Variants in WWOX observed in about 807,000 individuals in gnomAD.
WWOX encodes the protein WW domain-containing oxidoreductase.
In WWOX, 69 loss-of-function variants were observed where a neutral mutation model predicts 46.2. The observed-to-expected ratio is 1.49, with a 90% CI of 1.23 to 1.82. The LOEUF (loss-of-function observed/expected upper bound fraction) is 1.82, where lower values mean the gene tolerates loss of function less well. Ranked by LOEUF, WWOX falls within the 40% of genes most tolerant of loss-of-function variation. The pLI, the probability that WWOX is intolerant of heterozygous loss-of-function variation, is 0.00. For missense variants in WWOX, 919 were observed against 542.6 expected (o/e 1.69, Z -6.89); for synonymous variants, 359 against 202.6 (o/e 1.77, Z -6.56).
At chr16:78,976,716 C>T (rs186121229) in intron 8 of WWOX, among the ~76,000 whole-genome samples, 1 of 152,174 alleles carries the variant, frequency 6.6e-6, no homozygotes, top group African/African-American at 2.4e-5. Context: ...AGGAGCTCAC[C>T]AGATACTACT....
intron 8 of WWOX, among the ~76,000 whole-genome samples, chr16:78,964,758 C>G (rs2046334263): frequency 6.6e-6 from 1 of 152,198 alleles, no homozygotes; most frequent in Non-Finnish European, 1.5e-5. Flanking sequence ...TATCAGAGGC[C>G]TGAAGTCCCA....
At chr16:78,874,768 C>G (rs747179992) in intron 8 of WWOX, among the ~76,000 whole-genome samples, 10 of 128,840 alleles carry the variant, frequency 7.8e-5, no homozygotes, top group Middle Eastern at 6.2e-3. Context: ...CTCAACTGTT[C>G]CAAGCATAAC....
chr16:78,360,042 A>G (rs2081376870), intron 5 of WWOX, among the ~76,000 whole-genome samples: 1 of 152,202 alleles, frequency 6.6e-6, no homozygotes. Context: ...TTTTAAAAAC[A>G]AAACAAAAAG....
intron 8 of WWOX, among the ~76,000 whole-genome samples, chr16:78,446,267 A>C (rs1361959306): frequency 6.6e-6 from 1 of 152,176 alleles, no homozygotes; most frequent in Non-Finnish European, 1.5e-5. Flanking sequence ...CAAGTCTTAG[A>C]GAGGAAGTAT....
At chr16:79,090,730 C>A (rs1031103357) in intron 8 of WWOX, among the ~76,000 whole-genome samples, 1 of 152,170 alleles carries the variant, frequency 6.6e-6, no homozygotes, top group Non-Finnish European at 1.5e-5. Context: ...GGGGCCCAGG[C>A]ATGCCACCAA....
intron 8 of WWOX, among the ~76,000 whole-genome samples, chr16:78,901,410 CT>C: frequency 6.6e-6 from 1 of 152,088 alleles, no homozygotes; most frequent in East Asian, 1.9e-4. Flanking sequence ...TTTTCCTGTT[CT>C]TTTCCCTCTC....
intron 8 of WWOX, among the ~76,000 whole-genome samples, chr16:78,484,852 C>G (rs554014508): frequency 1.3e-5 from 2 of 152,120 alleles, no homozygotes; most frequent in African/African-American, 4.8e-5. Context: ...TGTGAAGTGC[C>G]ATTGCATTTG....
intron 8 of WWOX, among the ~76,000 whole-genome samples, chr16:78,633,455 G>A (rs1428727383): frequency 7.9e-5 from 12 of 152,068 alleles, no homozygotes; most frequent in South Asian, 6.2e-4. Flanking sequence ...ATTTTGTACC[G>A]TATGACTTTA....
chr16:78,689,511 G>A (rs547000048), intron 8 of WWOX, among the ~76,000 whole-genome samples: 4 of 152,268 alleles, frequency 2.6e-5, no homozygotes, highest in African/African-American at 9.6e-5. Context: ...CTCCTTGCTG[G>A]ATCTTCATAG....
At chr16:78,390,453 C>G (rs1301176065) in intron 6 of WWOX, among the ~76,000 whole-genome samples, 1 of 152,190 alleles carries the variant, frequency 6.6e-6, no homozygotes, top group African/African-American at 2.4e-5. Context: ...TTAGAAAGTA[C>G]TTCTAGGTTG....
intron 8 of WWOX, among the ~76,000 whole-genome samples, chr16:78,818,014 G>C (rs182114764): frequency 1.2e-4 from 19 of 152,310 alleles, no homozygotes; most frequent in Admixed American, 1.1e-3. Flanking sequence ...AGAGGGAGAA[G>C]CTGACTGAGA....
intron 8 of WWOX, among the ~76,000 whole-genome samples, chr16:79,182,373 C>A (rs941005680): frequency 1.4e-4 from 22 of 152,040 alleles, no homozygotes; most frequent in African/African-American, 5.3e-4. Flanking sequence ...AACATGTCAG[C>A]CCTTGGTCTC....
intron 8 of WWOX, among the ~76,000 whole-genome samples, chr16:78,779,537 G>T (rs1418925758): frequency 6.6e-6 from 1 of 152,144 alleles, no homozygotes; most frequent in Non-Finnish European, 1.5e-5. Flanking sequence ...TCTGTCCAAG[G>T]CATTGTGCTC....
intron 8 of WWOX, among the ~76,000 whole-genome samples, chr16:78,876,945 A>G (rs2044246055): frequency 6.6e-6 from 1 of 152,198 alleles, no homozygotes; most frequent in Non-Finnish European, 1.5e-5. Flanking sequence ...GGCATAAAGT[A>G]GGAAAATGTG....
chr16:79,087,779 G>T (rs889360527), intron 8 of WWOX, among the ~76,000 whole-genome samples: 3 of 152,144 alleles, frequency 2.0e-5, no homozygotes, highest in African/African-American at 7.2e-5. Context: ...AGTTTAGTAC[G>T]TTCTCTTGGT....
chr16:78,888,048 C>T (rs1364824397), intron 8 of WWOX, among the ~76,000 whole-genome samples: 3 of 152,192 alleles, frequency 2.0e-5, no homozygotes, highest in Non-Finnish European at 2.9e-5. Flanking sequence ...GTATGGCGAT[C>T]CTTCAAGCTG....
chr16:79,155,616 C>A (rs938467332), intron 8 of WWOX, among the ~76,000 whole-genome samples: 18 of 151,872 alleles, frequency 1.2e-4, no homozygotes, highest in African/African-American at 4.4e-4. Context: ...TCCAGCAGGG[C>A]TTTTACTCAA....
At chr16:78,916,396 C>A (rs1303488143) in intron 8 of WWOX, among the ~76,000 whole-genome samples, 2 of 152,080 alleles carry the variant, frequency 1.3e-5, no homozygotes, top group Non-Finnish European at 2.9e-5. Context: ...AAAAGTCAAA[C>A]ATGGGAAGAC....
intron 8 of WWOX, among the ~76,000 whole-genome samples, chr16:79,014,662 A>G (rs1335555213): frequency 1.3e-5 from 2 of 152,202 alleles, no homozygotes; most frequent in Non-Finnish European, 2.9e-5. Context: ...GTGTCACTGC[A>G]GCAAAGGGGA....
Sources: gnomAD v4.1 joint callset for allele counts (sites outside exome capture counted in the v4.1 genomes callset) on GRCh38, gnomAD v4.1.1 for gene constraint, MANE v1.5 for transcripts, NCBI Gene and HGNC (gene_info 2026-07-23, HGNC 2026-07-21) for gene names.